Variants in ASIC2 observed in about 807,000 individuals in gnomAD.
ASIC2 encodes acid-sensing ion channel 2.
ASIC2 carries 25 observed loss-of-function variants against 57.3 expected under a neutral mutation model. That is an observed-to-expected ratio of 0.44 (90% CI 0.32 to 0.61). The LOEUF (loss-of-function observed/expected upper bound fraction) is 0.61, where lower values mean the gene tolerates loss of function less well. ASIC2 is among the 20% of genes least tolerant of loss of function. The pLI is 0.06. For synonymous variants in ASIC2, 319 were observed against 307.5 expected, an observed-to-expected ratio of 1.04 and a Z score of -0.39; for missense variants, 641 against 738.1, an observed-to-expected ratio of 0.87 and a Z score of 1.52.
At chr17:33,073,805 A>G (rs1730186312) in intron 3 of ASIC2, among the ~76,000 whole-genome samples, 1 of 152,338 alleles carries the variant, frequency 6.6e-6, no homozygotes, top group South Asian at 2.1e-4. Flanking sequence ...TGCTTTACCC[A>G]GAACCCTACT....
At chr17:33,356,738 CATGAAG>C (rs1908389747) in intron 1 of ASIC2, among the ~76,000 whole-genome samples, 1 of 152,120 alleles carries the variant, frequency 6.6e-6, no homozygotes, top group Admixed American at 6.5e-5. Context: ...TCCCGAGGAG[CATGAAG>C]ATCTCATTAT....
chr17:33,041,802 T>C (rs1033939413), intron 3 of ASIC2, among the ~76,000 whole-genome samples: 52 of 152,170 alleles, frequency 3.4e-4, no homozygotes, highest in African/African-American at 1.3e-3. Context: ...TAGCCGATGG[T>C]CAGGATTTCC....
At chr17:34,019,820 A>G (rs150172118) in intron 1 of ASIC2, among the ~76,000 whole-genome samples, 290 of 152,318 alleles carry the variant, frequency 1.9e-3, no homozygotes, top group African/African-American at 6.7e-3. Context: ...AGAGCTGGCC[A>G]GATAGTTCTA....
Position 33,291,630 on chromosome 17 carries a change from C to G in ASIC2, c.486G>C (p.Leu162=), listed in dbSNP as rs767444464. 1 of 1,608,872 alleles carries G rather than the reference C, an allele frequency of 6.2e-7. No homozygotes were observed. The highest frequency in any genetic ancestry group is 8.5e-7 in the Non-Finnish European group (1 of 1,178,112). The change falls in exon 1 of 10, where the codon CTG becomes CTC. Residue 162 remains leucine, a synonymous_variant. Coordinates refer to ENST00000225823, the MANE Select transcript of ASIC2 (RefSeq NM_183377.2). ...CAAGCGGGCGCGCGGTGCGGTTGGG[C>G]AGCAGCAGCCCGAGCCAGTGGCCGG... The part of the protein sequence containing the change: ...YYAGHWLGLL[L]PNRTARPLVS...
intron 1 of ASIC2, among the ~76,000 whole-genome samples, chr17:33,986,119 A>G (rs1905809115): frequency 6.6e-6 from 1 of 152,006 alleles, no homozygotes; most frequent in Admixed American, 6.6e-5. Context: ...ACCTTCAAAG[A>G]CACCATACAA....
chr17:33,100,008 A>T lies in ASIC2; in HGVS notation c.860-11018T>A, dbSNP rs572905727. ...AGAAATATTTTGATGTTAAGAAGAC[A>T]TCCCCATTCTTCCAAATGGTGGGGA... is the stretch of plus-strand genomic sequence containing the variant. On this transcript the variant is annotated intron_variant, in intron 2 of 9. Coordinates refer to ENST00000225823, the MANE Select transcript of ASIC2 (RefSeq NM_183377.2). 6 of 152,360 alleles carry T rather than the reference A, an allele frequency of 3.9e-5. No individual in the cohort carries two copies. In the South Asian group the frequency reaches 1.2e-3, roughly 32 times the overall value. 9.4% of individuals were successfully genotyped at this position (152,360 alleles called of 1,614,324 possible). A position where few individuals can be genotyped will look rare whatever the true frequency, so the allele number is the denominator to read the frequency against.
chr17:33,384,113 T>C (rs1043034686), intron 1 of ASIC2, among the ~76,000 whole-genome samples: 1 of 152,296 alleles, frequency 6.6e-6, no homozygotes, highest in African/African-American at 2.4e-5. Flanking sequence ...ACCTGTTAAG[T>C]AGGGCTTTGT....
At chr17:33,883,919 A>C (rs1022899535) in intron 1 of ASIC2, among the ~76,000 whole-genome samples, 8 of 152,258 alleles carry the variant, frequency 5.3e-5, no homozygotes, top group African/African-American at 1.4e-4. Flanking sequence ...ATCAAAGCTC[A>C]GATAGGTGAA....
At chr17:33,436,222 A>G (rs1911602265) in intron 1 of ASIC2, among the ~76,000 whole-genome samples, 1 of 152,214 alleles carries the variant, frequency 6.6e-6, no homozygotes, top group African/African-American at 2.4e-5. Context: ...CCCTGTTTGG[A>G]CACTGAAACT....
intron 1 of ASIC2, among the ~76,000 whole-genome samples, chr17:33,671,787 G>A (rs962695580): frequency 1.1e-4 from 16 of 152,126 alleles, no homozygotes; most frequent in African/African-American, 2.7e-4. Context: ...GAGATGCACC[G>A]CTTCATGCTT....
chr17:33,232,696 C>G (rs1197624800), intron 1 of ASIC2, among the ~76,000 whole-genome samples: 1 of 152,148 alleles, frequency 6.6e-6, no homozygotes, highest in African/African-American at 2.4e-5. Flanking sequence ...CATTGTCAGG[C>G]CAATCAGCCA....
At chr17:34,072,300 A>G (rs1260634756) in intron 1 of ASIC2, 1 of 152,242 alleles carries the variant, frequency 6.6e-6, no homozygotes, top group Non-Finnish European at 1.5e-5. Flanking sequence ...CCCCATTTCA[A>G]TGCTGAGCCC....
intron 1 of ASIC2, among the ~76,000 whole-genome samples, chr17:33,992,653 T>C (rs957729581): frequency 6.6e-6 from 1 of 152,216 alleles, no homozygotes; most frequent in Non-Finnish European, 1.5e-5. Flanking sequence ...GACTCTATGT[T>C]GGCAGCTTGA....
At chr17:33,614,397 C>A (rs1905526449) in intron 1 of ASIC2, among the ~76,000 whole-genome samples, 1 of 152,142 alleles carries the variant, frequency 6.6e-6, no homozygotes. Flanking sequence ...GTGGGTTGGG[C>A]TGTACCAAGG....
intron 1 of ASIC2, among the ~76,000 whole-genome samples, chr17:33,596,442 G>A (rs1041987285): frequency 6.6e-5 from 10 of 152,064 alleles, no homozygotes; most frequent in African/African-American, 1.7e-4. Flanking sequence ...TTGATATAAC[G>A]GGGGAGAAAA....
chr17:33,177,038 G>C (rs1045276638), intron 1 of ASIC2, among the ~76,000 whole-genome samples: 1 of 152,220 alleles, frequency 6.6e-6, no homozygotes, highest in Non-Finnish European at 1.5e-5. Context: ...GACAACTTGT[G>C]TCCATAAGTG....
intron 1 of ASIC2, among the ~76,000 whole-genome samples, chr17:33,713,492 C>T (rs1024124238): frequency 1.3e-5 from 2 of 152,232 alleles, no homozygotes; most frequent in Non-Finnish European, 2.9e-5. Context: ...CGTCTCCGTC[C>T]TCACATGGTA....
intron 1 of ASIC2, among the ~76,000 whole-genome samples, chr17:33,392,199 CTT>C: frequency 8.9e-6 from 1 of 112,970 alleles, no homozygotes; most frequent in Non-Finnish European, 2.1e-5. Context: ...TCCTTCCCTC[CTT>C]CCTTCCTTCC....
chr17:33,597,054 T>G (rs1397613669), intron 1 of ASIC2, among the ~76,000 whole-genome samples: 4 of 152,320 alleles, frequency 2.6e-5, no homozygotes, highest in Non-Finnish European at 5.9e-5. Flanking sequence ...ACGGATCAGA[T>G]CAACACAGCC....
Sources: allele counts gnomAD v4.1 joint callset (sites outside exome capture counted in the v4.1 genomes callset), GRCh38; gene constraint gnomAD v4.1.1; transcripts MANE v1.5; gene names NCBI Gene and HGNC (gene_info 2026-07-23, HGNC 2026-07-21).